MAP1A: variants seen among roughly 807,000 people sequenced by gnomAD.
MAP1A encodes the protein microtubule-associated protein 1A.
MAP1A carries 42 observed loss-of-function variants against 185.9 expected under a neutral mutation model. The ratio of observed to expected loss-of-function variants is 0.23; its 90% CI spans 0.18 to 0.29. MAP1A has a LOEUF of 0.29. Among genes scored for constraint, MAP1A ranks in the 10% least tolerant of loss-of-function variants. The pLI, the probability that MAP1A is intolerant of heterozygous loss-of-function variation, is 1.00. For missense variants in MAP1A, 2,995 were observed against 3,450.4 expected (o/e 0.87, Z 3.31); for synonymous variants, 1,229 against 1,335.9 (o/e 0.92, Z 1.74).
At chr15:43,518,708 A>C (rs1003730566) in intron 1 of MAP1A, among the ~76,000 whole-genome samples, 7,251 of 82,566 alleles carry the variant, frequency 0.088, 19 homozygotes, top group African/African-American at 0.15. Flanking sequence ...ACCGCAGCCC[A>C]CCCCCCCCCG....
rs1458279130 is a variant in MAP1A at position 43,529,695 on chromosome 15, A to G, written c.8081A>G (p.Asp2694Gly). The G allele has an allele frequency of 1.2e-6, 2 of 1,614,142 alleles. No individual in the cohort carries two copies. Among genetic ancestry groups the G allele is most frequent in the Admixed American group, 1.7e-5 (1 of 60,020 alleles). ...AGCTCTGGTGCCCCTGTATATGTGG[A>G]TCTCGCCTACATCCCGAATCATTGC... ...KGSSGAPVYV[D>G]LAYIPNHCSG... The change falls in exon 5 of 6, where the codon GAT becomes GGT. Residue 2694 changes from aspartate to glycine, a missense_variant. By Grantham distance (94) the Asp-to-Gly change is moderately conservative. Around this residue, in one of 3 missense-constraint regions of MAP1A, gnomAD observed 2,728 missense variants for 2,986.0 expected, o/e 0.91. Coordinates refer to ENST00000300231, the MANE Select transcript of MAP1A (RefSeq NM_002373.6). This position sits in a 1 kb window ranked among gnomAD's most constrained non-coding sequence, Gnocchi z 4.3.
At position 43,528,928 on chromosome 15, in the gene MAP1A, A is replaced by G; in HGVS notation, c.7455A>G (p.Pro2485=). 6.2e-7 allele frequency: 1 copy of G among 1,613,050 alleles called. No individual in the cohort carries two copies. The highest frequency in any genetic ancestry group is 8.5e-7 in the Non-Finnish European group (1 of 1,179,958). The part of the protein sequence containing the change: ...GRGGRRRVGG[P]GTTGGPCPVT... ...GGGGGCGGCGCCGGGTAGGGGGGCC[A>G]GGGACCACTGGGGGCCCATGCCCTG... is the stretch of plus-strand genomic sequence containing the variant. The change falls in exon 4 of 6, where the codon CCA becomes CCG. Residue 2485 remains proline, a synonymous_variant. Transcript: ENST00000300231.
exon 1 of MAP1A, chr15:43,510,962 C>T: frequency 9.5e-6 from 14 of 1,481,196 alleles, no homozygotes; most frequent in South Asian, 1.2e-5. Flanking sequence ...GCGGAAGCTG[C>T]CGGACTAACA....
At position 43,522,698 on chromosome 15, in the gene MAP1A, A is replaced by T. The variant is rs753982520; in HGVS notation, c.1225A>T (p.Ile409Leu). Residue 409 changes from isoleucine (I) to leucine (L), a missense_variant, in exon 4 of 6, where the codon ATA becomes TTA. Coordinates refer to ENST00000300231, the MANE Select transcript of MAP1A (RefSeq NM_002373.6). The surrounding 1 kb of genome is among the most constrained non-coding windows in gnomAD (Gnocchi z 5.9). ...AGGGAAAAAGCACCTTAAAGAAAAG[A>T]TATCAAAGCTGGAAGAAAAAAAAGA... is the stretch of plus-strand genomic sequence containing the variant. ...KVGKKHLKEK[I>L]SKLEEKKDKE... 38 of 1,606,946 alleles carry T rather than the reference A, an allele frequency of 2.4e-5. No homozygotes were observed. Among genetic ancestry groups the T allele is most frequent in the Non-Finnish European group, 3.1e-5 (37 of 1,176,270 alleles).
chr15:43,512,336 C>T, intron 2 of MAP1A: 1 of 1,346,776 alleles, frequency 7.4e-7, no homozygotes, highest in African/African-American at 1.5e-5. Flanking sequence ...AAGAGCTGGT[C>T]ACAGAGGTCC....
At position 43,522,553 on chromosome 15, in the gene MAP1A, G is replaced by T; in HGVS notation, c.1080G>T (p.Glu360Asp). 6.2e-7 allele frequency: 1 copy of T among 1,611,668 alleles called. No homozygotes were observed. Among genetic ancestry groups the T allele is most frequent in the East Asian group, 2.2e-5 (1 of 44,834 alleles). ...SELAKELAKT[E>D]KKAKESSEKP... ...TGGCCAAGGAGTTAGCCAAGACAGA[G>T]AAGAAGGCAAAAGAGTCATCTGAGA... The change falls in exon 4 of 6, where the codon GAG becomes GAT. Residue 360 changes from glutamate (E) to aspartate (D), a missense_variant. Glu to Asp is a conservative substitution (Grantham distance 45, BLOSUM62 2). Around this residue, in one of 3 missense-constraint regions of MAP1A, gnomAD observed 2,728 missense variants for 2,986.0 expected, o/e 0.91. Coordinates refer to ENST00000300231, the MANE Select transcript of MAP1A (RefSeq NM_002373.6). The surrounding 1 kb of genome is among the most constrained non-coding windows in gnomAD (Gnocchi z 5.9).
chr15:43,530,028 C>G (rs1248419790), intron 5 of MAP1A, 41 bp from the exon 6 acceptor site: 3 of 1,608,242 alleles, frequency 1.9e-6, no homozygotes, highest in Non-Finnish European at 2.6e-6. Flanking sequence ...CCTACCTTCC[C>G]TTTATGTTCT....
Position 43,527,874 on chromosome 15 carries a change from G to C in MAP1A, c.6401G>C (p.Gly2134Ala), listed in dbSNP as rs774243518. 2.5e-6 allele frequency: 4 copies of C among 1,614,064 alleles called. No individual in the cohort carries two copies. The highest frequency in any genetic ancestry group is 3.4e-6 in the Non-Finnish European group (4 of 1,179,998). The change falls in exon 4 of 6, where the codon GGG (glycine) becomes GCG (alanine). Residue 2134 changes from glycine to alanine, a missense_variant. By Grantham distance (60) the Gly-to-Ala change is moderately conservative. Coordinates refer to ENST00000300231, the MANE Select transcript of MAP1A (RefSeq NM_002373.6). The part of the protein sequence containing the change: ...SPSPPHPIPM[G>A]SPTLWPETEA... ...AGTCCTCCTCACCCCATTCCTATGG[G>C]GTCCCCCACATTATGGCCAGAAACT...
chr15:43,518,847 C>T (rs2079309091), intron 1 of MAP1A, among the ~76,000 whole-genome samples: 1 of 152,086 alleles, frequency 6.6e-6, no homozygotes. Context: ...GGCTTTCTCC[C>T]AGGCCTGAAA....
chr15:43,512,440 TC>T (rs2079285520), intron 2 of MAP1A: 1 of 630,648 alleles, frequency 1.6e-6, no homozygotes, highest in African/African-American at 1.8e-5. Context: ...TCCATAGCTG[TC>T]CCCACATACC....
Position 43,529,461 on chromosome 15 carries a change from A to G in MAP1A, c.7988A>G (p.His2663Arg). 1.2e-6 allele frequency: 2 copies of G among 1,613,208 alleles called. No individual in the cohort carries two copies. Among genetic ancestry groups the G allele is most frequent in the Non-Finnish European group, 1.7e-6 (2 of 1,179,466 alleles). Residue 2663 changes from histidine to arginine, a missense_variant, in exon 4 of 6, where the codon CAC becomes CGC. This residue lies in a region of MAP1A where 2,728 missense variants were observed against 2,986.0 expected (regional missense o/e 0.91). Coordinates refer to ENST00000300231, the MANE Select transcript of MAP1A (RefSeq NM_002373.6). The surrounding 1 kb of genome is among the most constrained non-coding windows in gnomAD (Gnocchi z 4.3). Reference sequence around the variant, plus strand: ...ACCCCAGCAGAGGAAAAGGATGGACACAGCCCCATGTCCAAAGGCCTAGTC... The same window carrying G: ...ACCCCAGCAGAGGAAAAGGATGGACGCAGCCCCATGTCCAAAGGCCTAGTC... ...QVTPAEEKDG[H>R]SPMSKGLVNG... is the part of the protein sequence containing the mutation.
Position 43,521,939 on chromosome 15 carries a change from A to G in MAP1A, c.466A>G (p.Ile156Val). The change falls in exon 4 of 6, where the codon ATT (isoleucine) becomes GTT (valine). Residue 156 changes from isoleucine (I) to valine (V), a missense_variant. Ile to Val is a conservative substitution (Grantham distance 29). This residue lies in a region of MAP1A where 264 missense variants were observed against 435.3 expected (regional missense o/e 0.61). Coordinates refer to ENST00000300231, the MANE Select transcript of MAP1A (RefSeq NM_002373.6). This position sits in a 1 kb window ranked among gnomAD's most constrained non-coding sequence, Gnocchi z 4.6. ...TGCCTCCCGGAAAGCCAAGCGTAGC[A>G]TTGAGGAGGCCTGCCTCACTCTGCA... ...PDASRKAKRS[I>V]EEACLTLQHL... The G allele has an allele frequency of 1.2e-6, 2 of 1,614,148 alleles. No homozygotes were observed. Among genetic ancestry groups the G allele is most frequent in the Non-Finnish European group, 1.7e-6 (2 of 1,180,028 alleles).
In MAP1A at chr15:43,531,480, C is replaced by G. The variant is rs2079371351; in HGVS notation, c.*1256C>G. The G allele has an allele frequency of 1.3e-5, 2 of 152,736 alleles. No homozygotes were observed. Among genetic ancestry groups the G allele is most frequent in the Admixed American group, 1.3e-4 (2 of 15,272 alleles). The allele number at this position is 152,736 out of a possible 1,614,324, so 9.5% of individuals were successfully genotyped here. On this transcript the variant is annotated 3_prime_UTR_variant, in exon 6 of 6. Coordinates refer to ENST00000300231, the MANE Select transcript of MAP1A (RefSeq NM_002373.6). Reference sequence around the variant, plus strand: ...AACGACTGGGAAACCAAAATGAGCCCACCTTGTGTTCTTCCTAGCTCCACC... The same window carrying G: ...AACGACTGGGAAACCAAAATGAGCCGACCTTGTGTTCTTCCTAGCTCCACC...
intron 1 of MAP1A, chr15:43,512,162 C>T (rs1283046676): frequency 7.3e-7 from 1 of 1,376,436 alleles, no homozygotes; most frequent in South Asian, 1.2e-5. Context: ...CAACCTTATC[C>T]AGAACCTTCT....
In MAP1A at chr15:43,524,406, G is replaced by C; in HGVS notation, c.2933G>C (p.Gly978Ala). 1 of 1,614,216 alleles carries C rather than the reference G, an allele frequency of 6.2e-7. No homozygotes were observed. Reference protein sequence around the residue: ...HALHPGEPALGEAEERCLSPD... With the variant: ...HALHPGEPALAEAEERCLSPD... ...CTACATCCAGGAGAACCAGCCCTTG[G>C]AGAAGCAGAGGAGCGGTGCCTTAGC... Residue 978 changes from glycine (G) to alanine (A), a missense_variant, in exon 4 of 6, where the codon GGA (glycine) becomes GCA (alanine). Physicochemically the swap from Gly to Ala is moderately conservative, Grantham distance 60. Around this residue, in one of 3 missense-constraint regions of MAP1A, gnomAD observed 2,728 missense variants for 2,986.0 expected, o/e 0.91. Coordinates refer to ENST00000300231, the MANE Select transcript of MAP1A (RefSeq NM_002373.6).
In MAP1A at chr15:43,527,920, C is replaced by G; in HGVS notation, c.6447C>G (p.Pro2149=). 1 of 1,614,176 alleles carries G rather than the reference C, an allele frequency of 6.2e-7. No homozygotes were observed. The highest frequency in any genetic ancestry group is 8.5e-7 in the Non-Finnish European group (1 of 1,180,018). The change falls in exon 4 of 6, where the codon CCC becomes CCG. Residue 2149 remains proline, a synonymous_variant. Transcript: ENST00000300231. ...AAACTGAGGCACATGTTAGCCCTCC[C>G]TTGGACTCACACCTGGGGCCTGCCC... ...WPETEAHVSP[P]LDSHLGPARP... is the part of the protein sequence containing the mutation.
At position 43,524,901 on chromosome 15, in the gene MAP1A, G is replaced by A. The variant is rs751755609; in HGVS notation, c.3428G>A (p.Arg1143Gln). 16 of 1,613,952 alleles carry A rather than the reference G, an allele frequency of 9.9e-6. No individual in the cohort carries two copies. The highest frequency in any genetic ancestry group is 2.2e-5 in the East Asian group (1 of 44,892). ...QKDEVLRYPD[R>Q]SLSPEDAESL... ...GATGAGGTGCTCAGATATCCTGACCGAAGCCTCTCTCCTGAAGATGCAGAA... is the reference window on the plus strand; with the variant it reads ...GATGAGGTGCTCAGATATCCTGACCAAAGCCTCTCTCCTGAAGATGCAGAA... Residue 1143 changes from arginine to glutamine, a missense_variant, in exon 4 of 6, where the codon CGA becomes CAA. By Grantham distance (43) the Arg-to-Gln change is conservative. Transcript: ENST00000300231.
In MAP1A at chr15:43,527,205, A is replaced by G; in HGVS notation, c.5732A>G (p.Lys1911Arg). 6.2e-7 allele frequency: 1 copy of G among 1,614,104 alleles called. No homozygotes were observed. The highest frequency in any genetic ancestry group is 8.5e-7 in the Non-Finnish European group (1 of 1,179,988). The change falls in exon 4 of 6, where the codon AAG becomes AGG. Residue 1911 changes from lysine (K) to arginine (R), a missense_variant. Lys to Arg is a conservative substitution (Grantham distance 26, BLOSUM62 2). This residue lies in a region of MAP1A where 2,728 missense variants were observed against 2,986.0 expected (regional missense o/e 0.91). Transcript: ENST00000300231. ...TCCCCCCTGGGGAAGGACTACCGCA[A>G]GGCTGAAGGGGAAAGGGAAGAAGAA... Reference protein sequence around the residue: ...PYSPLGKDYRKAEGEREEEGR... With the variant: ...PYSPLGKDYRRAEGEREEEGR...
In MAP1A at chr15:43,529,687, A is replaced by T. The variant is rs781224384; in HGVS notation, c.8073A>T (p.Val2691=). 1 of 1,614,158 alleles carries T rather than the reference A, an allele frequency of 6.2e-7. No individual in the cohort carries two copies. Among genetic ancestry groups the T allele is most frequent in the South Asian group, 1.1e-5 (1 of 91,082 alleles). ...LSSKGSSGAP[V]YVDLAYIPNH... ...CCAAGGGCAGCTCTGGTGCCCCTGT[A>T]TATGTGGATCTCGCCTACATCCCGA... Residue 2691 remains valine (V), a synonymous_variant, in exon 5 of 6, where the codon GTA becomes GTT. Transcript: ENST00000300231. This position sits in a 1 kb window ranked among gnomAD's most constrained non-coding sequence, Gnocchi z 4.3.
Sources: allele counts gnomAD v4.1 joint callset (sites outside exome capture counted in the v4.1 genomes callset), GRCh38; gene constraint gnomAD v4.1.1; regional missense constraint gnomAD v4.1.1; non-coding constraint Gnocchi (gnomAD v3.1); transcripts MANE v1.5; gene names NCBI Gene and HGNC (gene_info 2026-07-23, HGNC 2026-07-21).